TLR1: variants seen among roughly 807,000 people sequenced by gnomAD.
TLR1 encodes the protein toll-like receptor 1.
A neutral mutation model predicts 20.2 loss-of-function variants in TLR1; 19 were observed. The observed-to-expected ratio is 0.94, with a 90% CI of 0.66 to 1.38. TLR1 has a LOEUF of 1.38. Ranked by LOEUF, TLR1 falls within the 40% of genes most tolerant of loss-of-function variation. The probability of loss-of-function intolerance (pLI) is 0.00; values close to 1 mark genes in which losing one functional copy is unlikely to be tolerated. For synonymous variants in TLR1, 320 were observed against 334.5 expected, an observed-to-expected ratio of 0.96 and a Z score of 0.47; for missense variants, 921 against 910.0, an observed-to-expected ratio of 1.01 and a Z score of -0.16.
Position 38,796,502 on chromosome 4 carries a change from T to C in TLR1, c.2330A>G (p.Asn777Ser). ...CTTTGCTTGCTCTGTCAGCTTAATA[T>C]TAATGGCTGCCCTTAAGTTAGCCCA... ...LFWANLRAAI[N>S]IKLTEQAKK The change falls in exon 4 of 4, where the codon AAT (asparagine) becomes AGT (serine). Residue 777 changes from asparagine (N) to serine (S), a missense_variant. By Grantham distance (46) the Asn-to-Ser change is conservative (BLOSUM62 1). Transcript: ENST00000308979. The C allele has an allele frequency of 6.2e-7, 1 of 1,612,870 alleles. No individual in the cohort carries two copies.
chr4:38,792,455 T>G (rs1725769973), downstream of TLR1, among the ~76,000 whole-genome samples: 1 of 152,224 alleles, frequency 6.6e-6, no homozygotes, highest in Non-Finnish European at 1.5e-5. Flanking sequence ...TTGTATCCTA[T>G]GCTTTTTATT....
downstream of TLR1, chr4:38,794,697 T>C (rs1427140429): frequency 6.6e-6 from 1 of 152,158 alleles, no homozygotes; most frequent in Non-Finnish European, 1.5e-5. Context: ...AAGCAACCTC[T>C]GAACTTCCAT....
chr4:38,790,320 G>A (rs1725686128), downstream of TLR1, among the ~76,000 whole-genome samples: 1 of 152,212 alleles, frequency 6.6e-6, no homozygotes, highest in South Asian at 2.1e-4. Context: ...TACATGTCAT[G>A]CCTCATATTT....
rs1726259674 is a variant in TLR1, at chr4:38,797,924, G to C, written c.908C>G (p.Ser303Cys). 2 of 1,614,174 alleles carry C rather than the reference G, an allele frequency of 1.2e-6. No individual in the cohort carries two copies. The highest frequency in any genetic ancestry group is 1.7e-6 in the Non-Finnish European group (2 of 1,180,032). ...DYSGTSLKALSIHQVVSDVFG... is the reference protein window; with the variant it reads ...DYSGTSLKALCIHQVVSDVFG... ...CACATCGCTGACAACTTGGTGTATA[G>C]ACAAGGCCTTCAAGGAAGTGCCAGA... Residue 303 changes from serine (S) to cysteine (C), a missense_variant, in exon 4 of 4, where the codon TCT becomes TGT. By Grantham distance (112) the Ser-to-Cys change is moderately radical. Coordinates refer to ENST00000308979, the MANE Select transcript of TLR1 (RefSeq NM_003263.4).
In TLR1 at chr4:38,796,660, A is replaced by G. The variant is rs1726085319; in HGVS notation, c.2172T>C (p.Asn724=). 2.5e-6 allele frequency: 4 copies of G among 1,614,100 alleles called. No individual in the cohort carries two copies. The highest frequency in any genetic ancestry group is 2.7e-5 in the African/African-American group (2 of 74,932). The change falls in exon 4 of 4, where the codon AAT becomes AAC. Residue 724 remains asparagine (N), a synonymous_variant. Transcript: ENST00000308979. ...AHHNLFHEGS[N]SLILILLEPI... ...GTTCCAGCAAGATCAGGATTAAGCT[A>G]TTAGATCCTTCATGAAAGAGATTGT...
At position 38,799,690 on chromosome 4, in the gene TLR1, G is replaced by A. The variant is rs5743603; in HGVS notation, c.-67-792C>T. 1.1e-3 allele frequency among the ~76,000 whole-genome samples: 164 copies of A among 152,248 alleles called. 1 individual carries two copies. Among genetic ancestry groups the A allele is most frequent in the Middle Eastern group, 0.01 (3 of 294 alleles). On this transcript the variant is annotated intron_variant, in intron 3 of 3. Transcript: ENST00000308979. Reference sequence around the variant, plus strand: ...CATCTCCCCATGACTTTCTCAAGAGGTGTTCCTAATGGTGGTATTGGGACT... The same window carrying A: ...CATCTCCCCATGACTTTCTCAAGAGATGTTCCTAATGGTGGTATTGGGACT...
chr4:38,792,580 C>T (rs1725776456), downstream of TLR1, among the ~76,000 whole-genome samples: 1 of 151,984 alleles, frequency 6.6e-6, no homozygotes, highest in African/African-American at 2.4e-5. Flanking sequence ...CCACACCAGG[C>T]CCTATACATT....
Position 38,797,208 on chromosome 4 carries a change from C to T in TLR1, c.1624G>A (p.Val542Ile), listed in dbSNP as rs760557774. ...LGEFVKNIDQVSSEVLEGWPD... is the reference protein window; with the variant it reads ...LGEFVKNIDQISSEVLEGWPD... ...CAGCCCTCTAACACTTCACTTGATA[C>T]TTGGTCTATATTTTTGACAAATTCT... Residue 542 changes from valine (V) to isoleucine (I), a missense_variant, in exon 4 of 4, where the codon GTA becomes ATA. Coordinates refer to ENST00000308979, the MANE Select transcript of TLR1 (RefSeq NM_003263.4). 4.3e-6 allele frequency: 7 copies of T among 1,614,104 alleles called. No homozygotes were observed. In the Admixed American group the frequency reaches 6.7e-5, roughly 15 times the overall value.
At chr4:38,791,516 C>T (rs1725721733), downstream of TLR1, among the ~76,000 whole-genome samples, 1 of 152,098 alleles carries the variant, frequency 6.6e-6, no homozygotes, top group South Asian at 2.1e-4. Context: ...CTTATTTCCC[C>T]ATTTGCCATT....
At chr4:38,802,496 C>G (rs1318855792) in intron 2 of TLR1, among the ~76,000 whole-genome samples, 3 of 152,170 alleles carry the variant, frequency 2.0e-5, no homozygotes, top group Non-Finnish European at 4.4e-5. Flanking sequence ...GCAGCCCATC[C>G]CAAGGGCTGG....
intron 2 of TLR1, among the ~76,000 whole-genome samples, chr4:38,803,253 C>T (rs1192437651): frequency 2.0e-5 from 3 of 152,150 alleles, no homozygotes; most frequent in African/African-American, 7.2e-5. Context: ...CCACCCCCTC[C>T]CCTCAGACCT....
At chr4:38,804,957 C>T (rs1726929876), upstream of TLR1, 1 of 152,174 alleles carries the variant, frequency 6.6e-6, no homozygotes, top group Non-Finnish European at 1.5e-5. Flanking sequence ...GTAGCATAGT[C>T]TGTGGGTTAC....
In TLR1 at chr4:38,797,385, G is replaced by A; in HGVS notation, c.1447C>T (p.Leu483Phe). 6.2e-7 allele frequency: 1 copy of A among 1,614,066 alleles called. No individual in the cohort carries two copies. The highest frequency in any genetic ancestry group is 8.5e-7 in the Non-Finnish European group (1 of 1,179,970). Residue 483 changes from leucine (L) to phenylalanine (F), a missense_variant, in exon 4 of 4, where the codon CTT becomes TTT. By Grantham distance (22) the Leu-to-Phe change is conservative. Coordinates refer to ENST00000308979, the MANE Select transcript of TLR1 (RefSeq NM_003263.4). ...LNVAFNSLTD[L>F]PGCGSFSSLS... ...CTGCTAAAGCTGCCACATCCAGGAA[G>A]GTCAGTTAAAGAATTGAAAGCAACA...
chr4:38,798,172 A>T lies in TLR1; in HGVS notation c.660T>A (p.Asn220Lys). ...VKTVANLELS[N>K]IKCVLEDNKC... ...TGTTATCTTCTAGCACACATTTGAT[A>T]TTAGATAGTTCCAGATTTGCTACAG... The change falls in exon 4 of 4, where the codon AAT (asparagine) becomes AAA (lysine). Residue 220 changes from asparagine (N) to lysine (K), a missense_variant. Transcript: ENST00000308979. 2 of 1,614,122 alleles carry T rather than the reference A, an allele frequency of 1.2e-6. No homozygotes were observed. The highest frequency in any genetic ancestry group is 1.7e-6 in the Non-Finnish European group (2 of 1,179,994).
In TLR1 at chr4:38,796,982, G is replaced by A. The variant is rs1368990985; in HGVS notation, c.1850C>T (p.Thr617Ile). ...GTTCCTGGCCCTGCGCCGGGTCTGGGTCCACTGGCACACCATCCTGAGATA... is the reference window on the plus strand; with the variant it reads ...GTTCCTGGCCCTGCGCCGGGTCTGGATCCACTGGCACACCATCCTGAGATA... The part of the protein sequence containing the change: ...PWYLRMVCQW[T>I]QTRRRARNIP... Residue 617 changes from threonine to isoleucine, a missense_variant, in exon 4 of 4, where the codon ACC becomes ATC. Coordinates refer to ENST00000308979, the MANE Select transcript of TLR1 (RefSeq NM_003263.4). 7.4e-6 allele frequency: 12 copies of A among 1,614,092 alleles called. No homozygotes were observed. Among genetic ancestry groups the A allele is most frequent in the Middle Eastern group, 1.6e-4 (1 of 6,084 alleles).
chr4:38,789,630 T>C (rs996716290), downstream of TLR1, among the ~76,000 whole-genome samples: 1 of 152,080 alleles, frequency 6.6e-6, no homozygotes, highest in Non-Finnish European at 1.5e-5. Context: ...GCCCGGCTAA[T>C]TTTTGTATTT....
intron 3 of TLR1, 23 bp from the exon 4 acceptor site, chr4:38,798,921 A>G (rs1430284283): frequency 9.4e-7 from 1 of 1,067,742 alleles, no homozygotes; most frequent in Non-Finnish European, 1.3e-6. Context: ...TAATGAAATG[A>G]TGAAATACAT....
downstream of TLR1, among the ~76,000 whole-genome samples, chr4:38,789,868 T>A (rs1725677691): frequency 6.6e-6 from 1 of 152,240 alleles, no homozygotes; most frequent in African/African-American, 2.4e-5. Context: ...ATGATCTATG[T>A]AATGTTGGGC....
downstream of TLR1, among the ~76,000 whole-genome samples, chr4:38,792,853 T>TTATATATATATATA (rs72518392): frequency 1.6e-3 from 192 of 122,230 alleles, 3 homozygotes; most frequent in African/African-American, 3.8e-3. Context: ...TATTTTCAAA[T>TTATATATATATATA]TATATATATA....
Sources: gnomAD v4.1 joint callset for allele counts (sites outside exome capture counted in the v4.1 genomes callset) on GRCh38, gnomAD v4.1.1 for gene constraint, MANE v1.5 for transcripts, NCBI Gene and HGNC (gene_info 2026-07-23, HGNC 2026-07-21) for gene names.